NSUN4: variants seen among roughly 807,000 people sequenced by gnomAD.
The protein encoded by NSUN4 is NOP2/Sun RNA methyltransferase 4.
NSUN4 carries 31 observed loss-of-function variants against 43.8 expected under a neutral mutation model. The observed-to-expected ratio is 0.71, with a 90% CI of 0.53 to 0.96. The LOEUF (loss-of-function observed/expected upper bound fraction) is 0.96, where lower values mean the gene tolerates loss of function less well. Among genes scored for constraint, NSUN4 ranks in the 40% least tolerant of loss-of-function variants. NSUN4 has a pLI of 0.00. For synonymous variants in NSUN4, 167 were observed against 184.1 expected (o/e 0.91, Z 0.75); for missense variants, 439 against 475.6 (o/e 0.92, Z 0.72).
chr1:46,349,773 A>G (rs137958967), intron 3 of NSUN4, among the ~76,000 whole-genome samples: 2 of 152,348 alleles, frequency 1.3e-5, no homozygotes, highest in Non-Finnish European at 2.9e-5. Context: ...AATGAATCCA[A>G]TGCAAGAGAG....
intron 5 of NSUN4, 114 bp downstream of exon 5, chr1:46,360,942 C>A: frequency 2.5e-6 from 3 of 1,216,938 alleles, no homozygotes; most frequent in Non-Finnish European, 3.6e-6. Context: ...GGCTGGAGAT[C>A]TGCCTAGAGG....
At chr1:46,380,610 T>C in the NSUN4 span, among the ~76,000 whole-genome samples, 1 of 152,246 alleles carries the variant, frequency 6.6e-6, no homozygotes, top group African/African-American at 2.4e-5. Context: ...TGTTCCAAGC[T>C]CTTTGCTTGG....
intron 3 of NSUN4, among the ~76,000 whole-genome samples, chr1:46,348,845 C>A (rs1320165657): frequency 2.6e-5 from 2 of 78,192 alleles, no homozygotes; most frequent in East Asian, 4.6e-4. Flanking sequence ...GAAGAAGTTT[C>A]GCTTTTCTAC....
At chr1:46,376,096 T>TAA in the NSUN4 span, among the ~76,000 whole-genome samples, 18,397 of 40,940 alleles carry the variant, frequency 0.45, 5,798 homozygotes, top group Non-Finnish European at 0.53. Flanking sequence ...AGAGCGAAAC[T>TAA]AAAAAAAAAA....
intron 3 of NSUN4, among the ~76,000 whole-genome samples, chr1:46,351,659 CTTTT>C (rs1190689943): frequency 2.5e-4 from 22 of 88,872 alleles, no homozygotes; most frequent in South Asian, 1.5e-3. Context: ...GACCCAGTCT[CTTTT>C]TTTTTTTTTT....
In NSUN4 at chr1:46,352,993, A is replaced by C. The variant is rs749289028; in HGVS notation, c.718A>C (p.Lys240Gln). ...TCGAGTTACCTCATGGGATGGCAGGAAATGGGGAGAACTGGAGGGGGACAC... is the reference window on the plus strand; with the variant it reads ...TCGAGTTACCTCATGGGATGGCAGGCAATGGGGAGAACTGGAGGGGGACAC... Reference protein sequence around the residue: ...QVRVTSWDGRKWGELEGDTYD... With the variant: ...QVRVTSWDGRQWGELEGDTYD... Residue 240 changes from lysine to glutamine, a missense_variant, in exon 4 of 6, where the codon AAA becomes CAA. Lys to Gln is a moderately conservative substitution (Grantham distance 53). Transcript: ENST00000474844. 1.7e-5 allele frequency: 27 copies of C among 1,614,062 alleles called. No individual in the cohort carries two copies. The highest frequency in any genetic ancestry group is 2.0e-5 in the Non-Finnish European group (24 of 1,180,026).
the NSUN4 span, among the ~76,000 whole-genome samples, chr1:46,384,004 G>A: frequency 3.3e-5 from 5 of 152,200 alleles, no homozygotes; most frequent in East Asian, 1.9e-4. Context: ...AACTAATTCC[G>A]ATTGGCTAAT....
At chr1:46,377,345 C>A in the NSUN4 span, among the ~76,000 whole-genome samples, 5 of 152,200 alleles carry the variant, frequency 3.3e-5, no homozygotes, top group South Asian at 8.3e-4. Context: ...CCACCATGCC[C>A]AACCAGAGTT....
At chr1:46,380,426 C>T in the NSUN4 span, among the ~76,000 whole-genome samples, 45 of 152,284 alleles carry the variant, frequency 3.0e-4, no homozygotes, top group East Asian at 8.7e-3. Flanking sequence ...TGGAAACCCA[C>T]CCCCATTGGA....
the NSUN4 span, among the ~76,000 whole-genome samples, chr1:46,376,694 G>A: frequency 6.7e-6 from 1 of 149,110 alleles, no homozygotes; most frequent in African/African-American, 2.5e-5. Context: ...ATATTATGAA[G>A]CATTTGCTTT....
intron 3 of NSUN4, among the ~76,000 whole-genome samples, chr1:46,347,424 T>C (rs1662594997): frequency 6.6e-6 from 1 of 152,036 alleles, no homozygotes; most frequent in African/African-American, 2.4e-5. Flanking sequence ...GGCGACAGAG[T>C]GAAACCCTGT....
At chr1:46,366,643 GAGGTC>G, downstream of NSUN4, among the ~76,000 whole-genome samples, 1 of 143,352 alleles carries the variant, frequency 7.0e-6, no homozygotes, top group East Asian at 2.1e-4. Context: ...TGGATCACCT[GAGGTC>G]AGGAGTTCGA....
intron 4 of NSUN4, among the ~76,000 whole-genome samples, chr1:46,356,823 A>G (rs996067082): frequency 2.6e-5 from 4 of 152,202 alleles, no homozygotes; most frequent in African/African-American, 9.6e-5. Context: ...CTGCATGTTC[A>G]TGGAAGACAC....
In NSUN4 at chr1:46,361,803, AT is replaced by A. The variant is rs781152769; in HGVS notation, c.1116del (p.Phe372LeufsTer12). The A allele has an allele frequency of 1.1e-5, 17 of 1,614,038 alleles. No individual in the cohort carries two copies. Among genetic ancestry groups the A allele is most frequent in the Non-Finnish European group, 1.4e-5 (17 of 1,180,018 alleles). On this transcript the variant is annotated frameshift_variant, in exon 6 of 6. Transcript: ENST00000474844. LOFTEE classifies it high-confidence loss of function. The stretch of plus-strand genomic sequence containing the variant: ...CTGGTAATACCAAACCTCATGGCCA[AT>A]TTTGGCCCCATGTACTTCTGCAAAA... ...GELVIPNLMA[N>X]FGPMYFCKMR...
intron 4 of NSUN4, among the ~76,000 whole-genome samples, chr1:46,356,628 G>T (rs1413816625): frequency 1.3e-5 from 2 of 152,016 alleles, no homozygotes; most frequent in Non-Finnish European, 2.9e-5. Context: ...GTGGGGCAGA[G>T]CCTGCAGTGA....
At chr1:46,360,249 A>AAAAAAAAAATAT (rs1553177947) in intron 4 of NSUN4, among the ~76,000 whole-genome samples, 5 of 25,768 alleles carry the variant, frequency 1.9e-4, no homozygotes, top group African/African-American at 6.5e-4. Flanking sequence ...AAAAAAAAAA[A>AAAAAAAAAATAT]ATATATATAT....
intron 3 of NSUN4, among the ~76,000 whole-genome samples, chr1:46,349,810 A>T (rs1662848293): frequency 6.6e-6 from 1 of 152,248 alleles, no homozygotes; most frequent in Non-Finnish European, 1.5e-5. Context: ...GACAATTCTT[A>T]TCTGACTGAA....
the NSUN4 span, among the ~76,000 whole-genome samples, chr1:46,371,630 C>A: frequency 3.3e-5 from 5 of 151,996 alleles, no homozygotes; most frequent in African/African-American, 9.7e-5. Context: ...TTAGTAGAGA[C>A]GGGGTTTCAC....
At chr1:46,342,142 G>T in intron 1 of NSUN4, 1 of 408,964 alleles carries the variant, frequency 2.4e-6, no homozygotes, top group Non-Finnish European at 4.3e-6. Flanking sequence ...CTTTCTCACA[G>T]AGTTTTGGAA....
Sources: gnomAD v4.1 joint callset for allele counts (sites outside exome capture counted in the v4.1 genomes callset) on GRCh38, gnomAD v4.1.1 for gene constraint, MANE v1.5 for transcripts, NCBI Gene and HGNC (gene_info 2026-07-23, HGNC 2026-07-21) for gene names.